The following MACROH2A1 variants were observed in gnomAD, a reference collection of about 807,000 sequenced individuals.
MACROH2A1 encodes the protein core histone macro-H2A.1.
In MACROH2A1, 2 loss-of-function variants were observed where a neutral mutation model predicts 31.6. The ratio of observed to expected loss-of-function variants is 0.06; its 90% CI spans 0.03 to 0.20. The LOEUF is 0.20. Among genes scored for constraint, MACROH2A1 ranks in the 10% least tolerant of loss-of-function variants. MACROH2A1 has a pLI of 1.00. For missense variants in MACROH2A1, 230 were observed against 474.0 expected (o/e 0.49, Z 4.78); for synonymous variants, 169 against 189.6 (o/e 0.89, Z 0.89).
chr5:135,395,853 C>G (rs1463721722), intron 1 of MACROH2A1, among the ~76,000 whole-genome samples: 1 of 152,218 alleles, frequency 6.6e-6, no homozygotes, highest in East Asian at 1.9e-4. Context: ...AGTCCACTCT[C>G]AGTGAACTAG....
At chr5:135,340,658 T>G (rs946060340) in intron 8 of MACROH2A1, among the ~76,000 whole-genome samples, 1 of 152,166 alleles carries the variant, frequency 6.6e-6, no homozygotes. Context: ...AAGAGAGTGA[T>G]CCTTTACCAA....
rs3776204 is a variant in MACROH2A1 at position 135,367,229 on chromosome 5, A to G, written c.477+2177T>C. Among the ~76,000 whole-genome samples, 11 of 152,368 alleles carry G rather than the reference A, an allele frequency of 7.2e-5. No homozygotes were observed. The East Asian group carries it at 2.1e-3, about 29-fold the overall frequency. On this transcript the variant is annotated intron_variant, in intron 4 of 8. Transcript: ENST00000511689. The stretch of plus-strand genomic sequence containing the variant: ...TCTGGGAGCTGACACCACAATTTAC[A>G]TTAAACAAATGTTTTGAAAATTAGC...
At chr5:135,381,749 C>G (rs760055051) in intron 2 of MACROH2A1, among the ~76,000 whole-genome samples, 2 of 152,096 alleles carry the variant, frequency 1.3e-5, no homozygotes, top group African/African-American at 2.4e-5. Context: ...AGAGTAAACA[C>G]GAAGATAGTT....
chr5:135,385,010 G>C (rs764130089), intron 2 of MACROH2A1, among the ~76,000 whole-genome samples: 2 of 152,188 alleles, frequency 1.3e-5, no homozygotes, highest in Non-Finnish European at 2.9e-5. Context: ...TCCTAGGTTG[G>C]CACTGCAGCT....
chr5:135,393,554 G>A (rs1767548534), intron 1 of MACROH2A1, among the ~76,000 whole-genome samples: 1 of 152,208 alleles, frequency 6.6e-6, no homozygotes, highest in Non-Finnish European at 1.5e-5. Flanking sequence ...AGCTTCCTAA[G>A]CACTCATCAC....
intron 2 of MACROH2A1, among the ~76,000 whole-genome samples, chr5:135,385,475 A>C (rs145090143): frequency 5.9e-4 from 89 of 152,128 alleles, no homozygotes; most frequent in African/African-American, 2.0e-3. Flanking sequence ...CAGCAAGGAG[A>C]GCTTGAGTGG....
At chr5:135,336,118 G>C (rs993039387) in intron 8 of MACROH2A1, among the ~76,000 whole-genome samples, 11 of 152,178 alleles carry the variant, frequency 7.2e-5, no homozygotes, top group African/African-American at 2.4e-4. Context: ...GGGCCAACCC[G>C]CCTATTTCAG....
intron 1 of MACROH2A1, among the ~76,000 whole-genome samples, chr5:135,393,221 A>G (rs1020536295): frequency 2.6e-5 from 4 of 152,208 alleles, no homozygotes; most frequent in African/African-American, 9.7e-5. Context: ...TGCCATGGAA[A>G]GAAAAAGACC....
chr5:135,398,030 T>C lies in MACROH2A1; in HGVS notation c.-34+1032A>G, dbSNP rs762525715. ...GCTGTTTACTGGGTCATTAAAATCT[T>C]ACAAGGCCTTTATAGTCATTGTAAT... On this transcript the variant is annotated intron_variant, in intron 1 of 8. Coordinates refer to ENST00000511689, the MANE Select transcript of MACROH2A1 (RefSeq NM_138610.3). This position sits in a 1 kb window ranked among gnomAD's most constrained non-coding sequence, Gnocchi z 4.6. Among the ~76,000 whole-genome samples, 1 of 152,240 alleles carries C rather than the reference T, an allele frequency of 6.6e-6. No homozygotes were observed. The highest frequency in any genetic ancestry group is 1.5e-5 in the Non-Finnish European group (1 of 68,038).
intron 8 of MACROH2A1, among the ~76,000 whole-genome samples, chr5:135,341,784 G>A (rs1294876493): frequency 6.6e-6 from 1 of 152,254 alleles, no homozygotes; most frequent in Non-Finnish European, 1.5e-5. Flanking sequence ...GAAGGAAAGT[G>A]CTTTGCAGAG....
intron 2 of MACROH2A1, among the ~76,000 whole-genome samples, chr5:135,377,406 C>T (rs551952304): frequency 4.2e-4 from 64 of 152,318 alleles, no homozygotes; most frequent in African/African-American, 1.5e-3. Context: ...GAACAATCAG[C>T]GATGTCTGCT....
At chr5:135,385,931 G>C (rs577154024) in intron 2 of MACROH2A1, among the ~76,000 whole-genome samples, 3 of 152,328 alleles carry the variant, frequency 2.0e-5, no homozygotes, top group East Asian at 3.9e-4. Context: ...CTCTCACACA[G>C]AGCCTAGCAC....
At chr5:135,378,321 T>C (rs976128191) in intron 2 of MACROH2A1, among the ~76,000 whole-genome samples, 4 of 152,192 alleles carry the variant, frequency 2.6e-5, no homozygotes, top group African/African-American at 9.7e-5. Flanking sequence ...CACATGTCAC[T>C]CCAGGGGACT....
intron 1 of MACROH2A1, among the ~76,000 whole-genome samples, chr5:135,394,769 C>T (rs557304484): frequency 4.6e-5 from 7 of 152,270 alleles, no homozygotes; most frequent in Admixed American, 6.5e-5. Flanking sequence ...CTTGATGAAA[C>T]GAACCAATTT....
intron 2 of MACROH2A1, among the ~76,000 whole-genome samples, chr5:135,385,814 T>C (rs1766329254): frequency 6.6e-6 from 1 of 152,294 alleles, no homozygotes; most frequent in East Asian, 1.9e-4. Context: ...CTTTTACTCC[T>C]TGCAACACTT....
intron 6 of MACROH2A1, chr5:135,347,219 G>C (rs983608514): frequency 3.9e-5 from 6 of 152,178 alleles, no homozygotes; most frequent in Admixed American, 3.3e-4. Context: ...AGTGAAACTT[G>C]CCTCCTTTGA....
intron 2 of MACROH2A1, among the ~76,000 whole-genome samples, chr5:135,377,685 G>C (rs1451538108): frequency 6.6e-6 from 1 of 152,192 alleles, no homozygotes; most frequent in African/African-American, 2.4e-5. Context: ...TGTGCTGTTT[G>C]AATTTATCTT....
chr5:135,383,851 C>G (rs1235572562), intron 2 of MACROH2A1, among the ~76,000 whole-genome samples: 1 of 152,014 alleles, frequency 6.6e-6, no homozygotes, highest in African/African-American at 2.4e-5. Context: ...TACTAGCAAG[C>G]ATTAGCTGGG....
At chr5:135,371,531 A>T (rs958125034) in intron 2 of MACROH2A1, among the ~76,000 whole-genome samples, 5 of 152,224 alleles carry the variant, frequency 3.3e-5, no homozygotes, top group African/African-American at 1.2e-4. Context: ...GTCTCACAAG[A>T]CAAGACAGGT....
Sources: gnomAD v4.1 joint callset for allele counts (sites outside exome capture counted in the v4.1 genomes callset) on GRCh38, gnomAD v4.1.1 for gene constraint, Gnocchi (gnomAD v3.1) non-coding constraint, MANE v1.5 for transcripts, NCBI Gene and HGNC (gene_info 2026-07-23, HGNC 2026-07-21) for gene names.